TRAF3: variants seen among roughly 807,000 people sequenced by gnomAD.
The protein encoded by TRAF3 is TNF receptor-associated factor 3.
In TRAF3, 13 loss-of-function variants were observed where a neutral mutation model predicts 62.3. The ratio of observed to expected loss-of-function variants is 0.21; its 90% confidence interval spans 0.14 to 0.33. The LOEUF is 0.33. Among genes scored for constraint, TRAF3 ranks in the 10% least tolerant of loss-of-function variants. TRAF3 has a pLI of 1.00. For missense variants in TRAF3, 440 were observed against 741.8 expected (o/e 0.59, Z 4.73); for synonymous variants, 269 against 283.4 (o/e 0.95, Z 0.51).
At chr14:102,874,650 C>CTTT (rs5811084) in intron 4 of TRAF3, among the ~76,000 whole-genome samples, 32 of 143,142 alleles carry the variant, frequency 2.2e-4, no homozygotes, top group African/African-American at 8.0e-4. Flanking sequence ...TTTTCTTCTT[C>CTTT]TTTTTTTTTT....
chr14:102,860,749 C>G (rs1421337630), intron 2 of TRAF3, among the ~76,000 whole-genome samples: 1 of 152,240 alleles, frequency 6.6e-6, no homozygotes, highest in East Asian at 1.9e-4. Flanking sequence ...AAAGCCTTAA[C>G]TGCTAAGCTA....
rs892773310 is a variant in TRAF3, at chr14:102,910,562, CGGGCCAGCAGGCGGCGTGAGGCG to C, written c.*4789_*4811del. 4 of 152,398 alleles carry C rather than the reference CGGGCCAGCAGGCGGCGTGAGGCG, an allele frequency of 2.6e-5. No homozygotes were observed. The highest frequency in any genetic ancestry group is 4.8e-5 in the African/African-American group (2 of 41,462). 9.4% of individuals were successfully genotyped at this position (152,398 alleles called of 1,614,324 possible). A position where few individuals can be genotyped will look rare whatever the true frequency, so the allele number is the denominator to read the frequency against. On this transcript the variant is annotated 3_prime_UTR_variant, in exon 12 of 12. Coordinates refer to ENST00000392745, the MANE Select transcript of TRAF3 (RefSeq NM_145725.3). ...CACAGGCACGGTGGCATCAGGGAGCCGGGCCAGCAGGCGGCGTGAGGCGGGGCCAGCAGCTCACTGCAAGGGCA... is the reference window on the plus strand; with the variant it reads ...CACAGGCACGGTGGCATCAGGGAGCCGGGCCAGCAGCTCACTGCAAGGGCA...
rs1309269165 is a variant in TRAF3, at chr14:102,907,429, G to A, written c.*1645G>A. ...AGTGTCCAACTGTGATTAGAAGCCT[G>A]GAGCCTGCCCCCTGCACCCCTTTTG... On this transcript the variant is annotated 3_prime_UTR_variant, in exon 12 of 12. Transcript: ENST00000392745. 6.6e-6 allele frequency: 1 copy of A among 152,482 alleles called. No individual in the cohort carries two copies. Among genetic ancestry groups the A allele is most frequent in the Non-Finnish European group, 1.5e-5 (1 of 68,218 alleles). 9.4% of individuals were successfully genotyped at this position (152,482 alleles called of 1,614,324 possible). A position where few individuals can be genotyped will look rare whatever the true frequency, so the allele number is the denominator to read the frequency against.
chr14:102,897,834 G>T (rs182455172), intron 10 of TRAF3, among the ~76,000 whole-genome samples: 14 of 152,210 alleles, frequency 9.2e-5, no homozygotes, highest in African/African-American at 3.4e-4. Flanking sequence ...GCGCTCACCC[G>T]CTGGGTTTCA....
intron 10 of TRAF3, among the ~76,000 whole-genome samples, chr14:102,899,781 G>A (rs1012493000): frequency 6.6e-6 from 1 of 152,200 alleles, no homozygotes; most frequent in African/African-American, 2.4e-5. Context: ...GGTGCAGGCA[G>A]GGGGTCAAGG....
intron 2 of TRAF3, among the ~76,000 whole-genome samples, 160 bp downstream of exon 2, chr14:102,830,632 T>A (rs1461983562): frequency 2.0e-5 from 3 of 152,234 alleles, no homozygotes. Context: ...CTACTCAGTG[T>A]GCTGGAGTCA....
Position 102,784,215 on chromosome 14 carries a change from CTTTTTTTTTTTTTT to C in TRAF3, c.-157+6554_-157+6567del, listed in dbSNP as rs76663820. Among the ~76,000 whole-genome samples, 131 of 117,598 alleles carry C rather than the reference CTTTTTTTTTTTTTT, an allele frequency of 1.1e-3. 3 individuals are homozygous for C. The South Asian group carries it at 0.016, about 15-fold the overall frequency. The allele number at this position is 117,598 out of a possible 152,430, so 77.1% of individuals were successfully genotyped here. A position where few individuals can be genotyped will look rare whatever the true frequency, so the allele number is the denominator to read the frequency against. On this transcript the variant is annotated intron_variant, in intron 1 of 11. Coordinates refer to ENST00000392745, the MANE Select transcript of TRAF3 (RefSeq NM_145725.3). ...GTTTGCTCCTGGGAAGATGCTTGGC[CTTTTTTTTTTTTTT>C]TTTTTTTTTTTTTGAGGTGGAGTTT...
At chr14:102,834,195 C>T (rs141041858) in intron 2 of TRAF3, among the ~76,000 whole-genome samples, 1 of 152,104 alleles carries the variant, frequency 6.6e-6, no homozygotes, top group Non-Finnish European at 1.5e-5. Context: ...TACGCAACTT[C>T]AGACTATACT....
intron 1 of TRAF3, among the ~76,000 whole-genome samples, chr14:102,791,310 C>T (rs752832837): frequency 2.9e-4 from 44 of 152,058 alleles, no homozygotes; most frequent in Non-Finnish European, 5.0e-4. Flanking sequence ...TGAGCCACCG[C>T]GCCCAGCTGA....
intron 7 of TRAF3, among the ~76,000 whole-genome samples, chr14:102,888,242 C>T (rs994364254): frequency 6.6e-6 from 1 of 152,184 alleles, no homozygotes; most frequent in African/African-American, 2.4e-5. Flanking sequence ...GTTTCCTTGC[C>T]AGTCACCTGT....
intron 1 of TRAF3, among the ~76,000 whole-genome samples, chr14:102,795,071 C>T (rs1897998666): frequency 6.6e-6 from 1 of 152,094 alleles, no homozygotes; most frequent in Non-Finnish European, 1.5e-5. Context: ...AAGTTCCTTT[C>T]CTTTACTCTA....
intron 7 of TRAF3, among the ~76,000 whole-genome samples, chr14:102,888,119 C>T (rs902183242): frequency 7.9e-5 from 12 of 152,158 alleles, no homozygotes; most frequent in Non-Finnish European, 1.8e-4. Context: ...CAGTGTGTCC[C>T]TGGCTTAACA....
chr14:102,905,801 T>C lies in TRAF3; in HGVS notation c.*17T>C, dbSNP rs369453811. On this transcript the variant is annotated 3_prime_UTR_variant, in exon 12 of 12. Coordinates refer to ENST00000392745, the MANE Select transcript of TRAF3 (RefSeq NM_145725.3). Reference sequence around the variant, plus strand: ...GATCCCTGATAAGTAGCTGGGGAGGTGGATTTAGCAGAAGGCAACTCCTCT... The same window carrying C: ...GATCCCTGATAAGTAGCTGGGGAGGCGGATTTAGCAGAAGGCAACTCCTCT... 4.0e-5 allele frequency: 65 copies of C among 1,608,786 alleles called. No homozygotes were observed. The highest frequency in any genetic ancestry group is 5.3e-5 in the Non-Finnish European group (62 of 1,176,414).
intron 2 of TRAF3, among the ~76,000 whole-genome samples, chr14:102,861,704 G>C (rs1887688016): frequency 6.6e-6 from 1 of 152,186 alleles, no homozygotes. Context: ...AATTCAGGGT[G>C]AGTCTATAAA....
chr14:102,845,996 AAAAAAAAAAAAAAT>A (rs1199397017), intron 2 of TRAF3, among the ~76,000 whole-genome samples: 9 of 148,822 alleles, frequency 6.0e-5, no homozygotes, highest in African/African-American at 2.3e-4. Flanking sequence ...AAAAAAAAAA[AAAAAAAAAAAAAAT>A]ACTATTATAC....
chr14:102,881,459 G>A (rs1160673209), intron 6 of TRAF3, among the ~76,000 whole-genome samples: 1 of 151,700 alleles, frequency 6.6e-6, no homozygotes, highest in African/African-American at 2.4e-5. Flanking sequence ...GGATGGAGCT[G>A]GAAGTCATTG....
chr14:102,839,271 T>C (rs1444246767), intron 2 of TRAF3, among the ~76,000 whole-genome samples: 1 of 141,730 alleles, frequency 7.1e-6, no homozygotes, highest in Non-Finnish European at 1.5e-5. Flanking sequence ...CAGGCTGTAG[T>C]GCAGTGGCGC....
At chr14:102,865,433 T>C (rs1231866076) in intron 2 of TRAF3, among the ~76,000 whole-genome samples, 4 of 152,226 alleles carry the variant, frequency 2.6e-5, no homozygotes, top group African/African-American at 9.6e-5. Context: ...GAATTAGAGC[T>C]GCTTTCTGTT....
chr14:102,897,285 G>A lies in TRAF3; in HGVS notation c.844G>A (p.Val282Ile), dbSNP rs1230881733. ...GGTTTCCTTGTTGCAGAATGAAAGT[G>A]TAGAAAAAAACAAGAGCATACAAAG... ...KKVSLLQNES[V>I]EKNKSIQSLH... The change falls in exon 10 of 12, where the codon GTA becomes ATA. Residue 282 changes from valine to isoleucine, a missense_variant. Transcript: ENST00000392745. 1 of 1,613,256 alleles carries A rather than the reference G, an allele frequency of 6.2e-7. No homozygotes were observed. The highest frequency in any genetic ancestry group is 8.5e-7 in the Non-Finnish European group (1 of 1,179,700).
Sources: gnomAD v4.1 joint callset for allele counts (sites outside exome capture counted in the v4.1 genomes callset) on GRCh38, gnomAD v4.1.1 for gene constraint, MANE v1.5 for transcripts, NCBI Gene and HGNC (gene_info 2026-07-23, HGNC 2026-07-21) for gene names.